Variants in TAPBP observed in about 807,000 individuals in gnomAD.
The protein encoded by TAPBP is TAP binding protein.
A neutral mutation model predicts 45.7 loss-of-function variants in TAPBP; 38 were observed. The observed-to-expected ratio is 0.83, with a 90% confidence interval of 0.64 to 1.09. TAPBP has a LOEUF of 1.09. Among genes scored for constraint, TAPBP ranks in the 50% least tolerant of loss-of-function variants. TAPBP has a pLI of 0.00. For missense variants in TAPBP, 513 were observed against 587.3 expected (o/e 0.87, Z 1.31); for synonymous variants, 226 against 254.8 (o/e 0.89, Z 1.08).
In TAPBP at chr6:33,305,314, G is replaced by A. The variant is rs1310285707; in HGVS notation, c.543C>T (p.Ser181=). ...CGGAGGTGGGGGGCATGTAGGCAAA[G>A]CTCAAGTCCAGCAGAGCATCTTGTC... The part of the protein sequence containing the change: ...RLGQDALLDL[S]FAYMPPTSEA... The change falls in exon 4 of 8, where the codon AGC becomes AGT. Residue 181 remains serine (S), a synonymous_variant. Transcript: ENST00000434618. The surrounding 1 kb of genome is among the most constrained non-coding windows in gnomAD (Gnocchi z 4.4). 7.0e-6 allele frequency: 11 copies of A among 1,564,666 alleles called. No individual in the cohort carries two copies. Among genetic ancestry groups the A allele is most frequent in the Admixed American group, 1.8e-5 (1 of 54,496 alleles).
chr6:33,305,632 GA>G lies in TAPBP; in HGVS notation c.470-246del, dbSNP rs1389382469. Among the ~76,000 whole-genome samples, 2 of 152,082 alleles carry G rather than the reference GA, an allele frequency of 1.3e-5. No individual in the cohort carries two copies. Among genetic ancestry groups the G allele is most frequent in the Non-Finnish European group, 2.9e-5 (2 of 68,008 alleles). ...TCTAGGGGTGGTGAGTAGGGGCAAT[GA>G]GGGGGTATGGCCTTTGAAGCCTACT... On this transcript the variant is annotated intron_variant, in intron 3 of 7. Transcript: ENST00000434618. This position sits in a 1 kb window ranked among gnomAD's most constrained non-coding sequence, Gnocchi z 4.4.
Position 33,313,193 on chromosome 6 carries a change from T to C in TAPBP, c.469+24A>G, listed in dbSNP as rs368567989. 18 of 1,593,706 alleles carry C rather than the reference T, an allele frequency of 1.1e-5. No homozygotes were observed. In the African/African-American group the frequency reaches 2.4e-4, roughly 21 times the overall value. On this transcript the variant is annotated intron_variant, in intron 3 of 7. Transcript: ENST00000434618. This position sits in a 1 kb window ranked among gnomAD's most constrained non-coding sequence, Gnocchi z 7.2. Reference sequence around the variant, plus strand: ...TGGACCCTTAGAATCTACCCACCCTTCTCCACCTCCCCTCCCCAGCTACCT... The same window carrying C: ...TGGACCCTTAGAATCTACCCACCCTCCTCCACCTCCCCTCCCCAGCTACCT...
Position 33,313,344 on chromosome 6 carries a change from G to A in TAPBP, c.342C>T (p.Asn114=), listed in dbSNP as rs778522290. ...AAGCCCCATCCAGGGCCCGCGGGCA[G>A]TTCTGCGCGGGGGTCAGGCCGCTGG... The part of the protein sequence containing the change: ...KWASGLTPAQ[N]CPRALDGAWL... Residue 114 remains asparagine, a synonymous_variant, in exon 3 of 8, where the codon AAC becomes AAT. Coordinates refer to ENST00000434618, the MANE Select transcript of TAPBP (RefSeq NM_003190.5). The surrounding 1 kb of genome is among the most constrained non-coding windows in gnomAD (Gnocchi z 7.2). The A allele has an allele frequency of 1.9e-5, 31 of 1,613,334 alleles. No homozygotes were observed. The Admixed American group carries it at 4.2e-4, about 22-fold the overall frequency.
At chr6:33,310,789 A>G (rs573361165) in intron 3 of TAPBP, among the ~76,000 whole-genome samples, 128 of 150,510 alleles carry the variant, frequency 8.5e-4, no homozygotes, top group African/African-American at 2.8e-3. Flanking sequence ...ACTGCTCTCC[A>G]GCCTGCACTG....
chr6:33,302,663 G>A (rs1273430770), intron 7 of TAPBP, among the ~76,000 whole-genome samples: 2 of 137,264 alleles, frequency 1.5e-5, no homozygotes, highest in African/African-American at 2.7e-5. Context: ...TTTTGTTGTT[G>A]AGACGAAGTT....
At chr6:33,304,758 A>G (rs1031833218) in intron 4 of TAPBP, 120 bp from the exon 5 acceptor site, 5 of 1,325,822 alleles carry the variant, frequency 3.8e-6, no homozygotes, top group Middle Eastern at 2.6e-4. Flanking sequence ...TTCTCCTGAA[A>G]TAGGGAACCC....
In TAPBP at chr6:33,313,098, A is replaced by T. The variant is rs1769479416; in HGVS notation, c.469+119T>A. The T allele has an allele frequency of 7.9e-7, 1 of 1,258,450 alleles. No homozygotes were observed. Among genetic ancestry groups the T allele is most frequent in the Non-Finnish European group, 1.1e-6 (1 of 908,660 alleles). 78.0% of individuals were successfully genotyped at this position (1,258,450 alleles called of 1,614,324 possible). A position where few individuals can be genotyped will look rare whatever the true frequency, so the allele number is the denominator to read the frequency against. On this transcript the variant is annotated intron_variant, in intron 3 of 7. Transcript: ENST00000434618. The surrounding 1 kb of genome is among the most constrained non-coding windows in gnomAD (Gnocchi z 7.2). Reference sequence around the variant, plus strand: ...CTAGCCAAACCACCTCTCTTAACAAAAAAAGGAAACTGAACCCCGATTGGC... The same window carrying T: ...CTAGCCAAACCACCTCTCTTAACAATAAAAGGAAACTGAACCCCGATTGGC...
At chr6:33,303,221 C>G (rs1768705942) in intron 7 of TAPBP, among the ~76,000 whole-genome samples, 1 of 151,984 alleles carries the variant, frequency 6.6e-6, no homozygotes, top group South Asian at 2.1e-4. Context: ...GAGTTCGAGA[C>G]CAGCCTGACC....
chr6:33,306,731 C>G (rs975590444), intron 3 of TAPBP, among the ~76,000 whole-genome samples: 1 of 152,236 alleles, frequency 6.6e-6, no homozygotes, highest in African/African-American at 2.4e-5. Context: ...ATAATCCCAG[C>G]ACTTTGGGAG....
At chr6:33,303,852 C>T (rs755267128) in intron 7 of TAPBP, 103 bp downstream of exon 7, 2 of 1,610,418 alleles carry the variant, frequency 1.2e-6, no homozygotes, top group Admixed American at 1.7e-5. Context: ...AATTCCAAGC[C>T]TAGGTTCTGC....
At position 33,301,086 on chromosome 6, in the gene TAPBP, A is replaced by G. The variant is rs923241545; in HGVS notation, c.*674T>C. On this transcript the variant is annotated 3_prime_UTR_variant, in exon 8 of 8. Transcript: ENST00000434618. ...CCCACGATGAATAGAATGTGTGCCTATGTATTCTCGTGTTTTAAATTTTTC... is the reference window on the plus strand; with the variant it reads ...CCCACGATGAATAGAATGTGTGCCTGTGTATTCTCGTGTTTTAAATTTTTC... The G allele has an allele frequency of 2.0e-5, 3 of 152,108 alleles. No homozygotes were observed. The highest frequency in any genetic ancestry group is 4.4e-5 in the Non-Finnish European group (3 of 68,060). 9.4% of individuals were successfully genotyped at this position (152,108 alleles called of 1,614,324 possible).
chr6:33,310,392 G>A (rs1350917218), intron 3 of TAPBP, among the ~76,000 whole-genome samples: 1 of 149,510 alleles, frequency 6.7e-6, no homozygotes, highest in Non-Finnish European at 1.5e-5. Context: ...TGTAGTCTCA[G>A]CTACTTGGGA....
chr6:33,305,508 A>G lies in TAPBP; in HGVS notation c.470-121T>C. 2.7e-6 allele frequency: 3 copies of G among 1,118,756 alleles called. No individual in the cohort carries two copies. The highest frequency in any genetic ancestry group is 3.7e-6 in the Non-Finnish European group (3 of 813,362). The allele number at this position is 1,118,756 out of a possible 1,614,324, so 69.3% of individuals were successfully genotyped here. A position where few individuals can be genotyped will look rare whatever the true frequency, so the allele number is the denominator to read the frequency against. On this transcript the variant is annotated intron_variant, in intron 3 of 7. Transcript: ENST00000434618. The surrounding 1 kb of genome is among the most constrained non-coding windows in gnomAD (Gnocchi z 4.4). ...CTGCAGTTTACCCACCCCTCAGAGGACACCTTTTCTGATACTCACCATTTC... is the reference window on the plus strand; with the variant it reads ...CTGCAGTTTACCCACCCCTCAGAGGGCACCTTTTCTGATACTCACCATTTC...
chr6:33,313,765 A>G lies in TAPBP; in HGVS notation c.137T>C (p.Leu46Pro), dbSNP rs1487375651. 1.9e-6 allele frequency: 3 copies of G among 1,613,646 alleles called. No homozygotes were observed. The highest frequency in any genetic ancestry group is 2.2e-5 in the East Asian group (1 of 44,880). Residue 46 changes from leucine to proline, a missense_variant, in exon 2 of 8, where the codon CTG becomes CCG. Leu to Pro is a moderately conservative substitution (Grantham distance 98). Transcript: ENST00000434618. The surrounding 1 kb of genome is among the most constrained non-coding windows in gnomAD (Gnocchi z 7.2). ...KGLAKRPGAL[L>P]LRQGPGEPPP... ...CGGTTCCCCCGGTCCCTGGCGCAAC[A>G]GCAGTGCACCGGGTCTCTTGGCCAG...
rs888503276 is a variant in TAPBP at position 33,313,707 on chromosome 6, A to C, written c.195T>G (p.Tyr65Ter). ...CTAGAGACTCACCGTGTACACTGAG[A>C]TAGAGCTCAGGGTCGAGGTCCGGCC... ...PPRPDLDPELYLSVHDPAGAL... is the reference protein window; with the variant it reads ...PPRPDLDPEL The change falls in exon 2 of 8, where the codon TAT becomes TAG. Residue 65 changes from tyrosine to a stop codon, truncating the protein, a stop_gained. Coordinates refer to ENST00000434618, the MANE Select transcript of TAPBP (RefSeq NM_003190.5). LOFTEE classifies it high-confidence loss of function. This position sits in a 1 kb window ranked among gnomAD's most constrained non-coding sequence, Gnocchi z 7.2. 29 of 1,613,076 alleles carry C rather than the reference A, an allele frequency of 1.8e-5. No homozygotes were observed. Among genetic ancestry groups the C allele is most frequent in the Non-Finnish European group, 2.5e-5 (29 of 1,179,830 alleles).
chr6:33,313,581 G>C lies in TAPBP; in HGVS notation c.209-104C>G. On this transcript the variant is annotated intron_variant, in intron 2 of 7. Coordinates refer to ENST00000434618, the MANE Select transcript of TAPBP (RefSeq NM_003190.5). This position sits in a 1 kb window ranked among gnomAD's most constrained non-coding sequence, Gnocchi z 7.2. ...AAATGCACAGACTACCCCGTAGTGAGACTCACTTTACAAAGGGGAAGCTGA... is the reference window on the plus strand; with the variant it reads ...AAATGCACAGACTACCCCGTAGTGACACTCACTTTACAAAGGGGAAGCTGA... 6.6e-7 allele frequency: 1 copy of C among 1,525,634 alleles called. No homozygotes were observed. The allele number at this position is 1,525,634 out of a possible 1,614,324, so 94.5% of individuals were successfully genotyped here.
intron 3 of TAPBP, among the ~76,000 whole-genome samples, chr6:33,312,506 A>T (rs1205436739): frequency 9.2e-5 from 14 of 152,194 alleles, no homozygotes; most frequent in Admixed American, 9.2e-4. Flanking sequence ...TCATTCTTGA[A>T]TTATCTGCAC....
chr6:33,303,387 C>A (rs755308133), intron 7 of TAPBP, among the ~76,000 whole-genome samples: 1 of 151,954 alleles, frequency 6.6e-6, no homozygotes, highest in Non-Finnish European at 1.5e-5. Flanking sequence ...CCATTGCACC[C>A]CAGCCTGGGC....
rs1562701808 is a variant in TAPBP at position 33,313,725 on chromosome 6, G to A, written c.177C>T (p.Asp59=). ...QGPGEPPPRP[D]LDPELYLSVH... ...CACTGAGATAGAGCTCAGGGTCGAGGTCCGGCCGGGGCGGCGGTTCCCCCG... is the reference window on the plus strand; with the variant it reads ...CACTGAGATAGAGCTCAGGGTCGAGATCCGGCCGGGGCGGCGGTTCCCCCG... The change falls in exon 2 of 8, where the codon GAC becomes GAT. Residue 59 remains aspartate (D), a synonymous_variant. Transcript: ENST00000434618. This position sits in a 1 kb window ranked among gnomAD's most constrained non-coding sequence, Gnocchi z 7.2. 1 of 1,613,444 alleles carries A rather than the reference G, an allele frequency of 6.2e-7. No homozygotes were observed. The highest frequency in any genetic ancestry group is 1.3e-5 in the African/African-American group (1 of 75,032).
Sources: gnomAD v4.1 joint callset for allele counts (sites outside exome capture counted in the v4.1 genomes callset) on GRCh38, gnomAD v4.1.1 for gene constraint, Gnocchi (gnomAD v3.1) non-coding constraint, MANE v1.5 for transcripts, NCBI Gene and HGNC (gene_info 2026-07-23, HGNC 2026-07-21) for gene names.